Variants in ATRN observed in about 807,000 individuals in gnomAD.
ATRN encodes the protein attractin-2.
ATRN carries 54 observed loss-of-function variants against 178.7 expected under a neutral mutation model. The ratio of observed to expected loss-of-function variants is 0.30; its 90% CI spans 0.24 to 0.38. ATRN has a LOEUF of 0.38. ATRN is among the 10% of genes least tolerant of loss of function. The probability of loss-of-function intolerance (pLI) is 1.00; values close to 1 mark genes in which losing one functional copy is unlikely to be tolerated. For synonymous variants in ATRN, 636 were observed against 663.0 expected (o/e 0.96, Z 0.63); for missense variants, 1,443 against 1,815.1 (o/e 0.79, Z 3.73).
In ATRN at chr20:3,632,054, T is replaced by A. The variant is rs1216356841; in HGVS notation, c.3864-2257T>A. 2.0e-5 allele frequency among the ~76,000 whole-genome samples: 3 copies of A among 152,104 alleles called. No homozygotes were observed. The highest frequency in any genetic ancestry group is 2.9e-5 in the Non-Finnish European group (2 of 68,016). Reference sequence around the variant, plus strand: ...CATATATATCCTTATGCCTTCCAAATGCCATGCCCAGCCCAGACCTGGCAG... The same window carrying A: ...CATATATATCCTTATGCCTTCCAAAAGCCATGCCCAGCCCAGACCTGGCAG... On this transcript the variant is annotated intron_variant, in intron 25 of 28. Coordinates refer to ENST00000262919, the MANE Select transcript of ATRN (RefSeq NM_139321.3). This position sits in a 1 kb window ranked among gnomAD's most constrained non-coding sequence, Gnocchi z 4.2.
At chr20:3,542,847 CGG>C (rs2085645511) in intron 3 of ATRN, among the ~76,000 whole-genome samples, 1 of 150,002 alleles carries the variant, frequency 6.7e-6, no homozygotes, top group African/African-American at 2.5e-5. Context: ...CCATGTTGCC[CGG>C]GCTGGTCTTG....
intron 22 of ATRN, among the ~76,000 whole-genome samples, chr20:3,598,288 T>G (rs529977290): frequency 1.2e-4 from 18 of 152,338 alleles, no homozygotes; most frequent in African/African-American, 4.1e-4. Context: ...GAAAGGGGAC[T>G]CCACCATCAG....
intron 11 of ATRN, among the ~76,000 whole-genome samples, chr20:3,567,153 T>G (rs748973738): frequency 6.6e-6 from 1 of 152,166 alleles, no homozygotes; most frequent in Non-Finnish European, 1.5e-5. Context: ...ATCTTGAACT[T>G]CCTCAGTACA....
At chr20:3,491,700 G>A (rs2084796230) in intron 1 of ATRN, among the ~76,000 whole-genome samples, 1 of 152,198 alleles carries the variant, frequency 6.6e-6, no homozygotes, top group Non-Finnish European at 1.5e-5. Context: ...ACTCAGGCTA[G>A]AAACCTGGGT....
At position 3,584,536 on chromosome 20, in the gene ATRN, CAG is replaced by C. The variant is rs766894681; in HGVS notation, c.2951-109_2951-108del. 3 of 767,152 alleles carry C rather than the reference CAG, an allele frequency of 3.9e-6. No homozygotes were observed. The African/African-American group carries it at 5.3e-5, about 14-fold the overall frequency. The allele number at this position is 767,152 out of a possible 1,614,324, so 47.5% of individuals were successfully genotyped here. A position where few individuals can be genotyped will look rare whatever the true frequency, so the allele number is the denominator to read the frequency against. On this transcript the variant is annotated intron_variant, in intron 17 of 28. Coordinates refer to ENST00000262919, the MANE Select transcript of ATRN (RefSeq NM_139321.3). ...CATTATCTCTTTTAAATAATCAAGA[CAG>C]AATAATATTTTTGACTCAAGCCAGT...
At chr20:3,504,332 A>G (rs528985970) in intron 1 of ATRN, among the ~76,000 whole-genome samples, 4 of 152,144 alleles carry the variant, frequency 2.6e-5, no homozygotes, top group Non-Finnish European at 4.4e-5. Context: ...TTGGAGCATT[A>G]GGAAGGAAGA....
chr20:3,585,112 C>G (rs2086339730), intron 18 of ATRN, among the ~76,000 whole-genome samples: 1 of 152,150 alleles, frequency 6.6e-6, no homozygotes, highest in Non-Finnish European at 1.5e-5. Flanking sequence ...GCCTTTGATT[C>G]AGACTTGAAG....
At chr20:3,472,996 T>C (rs2084454029) in intron 1 of ATRN, among the ~76,000 whole-genome samples, 1 of 152,218 alleles carries the variant, frequency 6.6e-6, no homozygotes. Flanking sequence ...ATGAGCTCTT[T>C]AGTTTTATGG....
Position 3,560,665 on chromosome 20 carries a change from A to G in ATRN, c.1207A>G (p.Lys403Glu), listed in dbSNP as rs748111642. 1.2e-6 allele frequency: 2 copies of G among 1,605,778 alleles called. No individual in the cohort carries two copies. Among genetic ancestry groups the G allele is most frequent in the East Asian group, 4.5e-5 (2 of 44,822 alleles). ...TTTGTTTGCATTTTTTTCCTAGGATAAAATTTACATGTATGGAGGAAAAAT... is the reference window on the plus strand; with the variant it reads ...TTTGTTTGCATTTTTTTCCTAGGATGAAATTTACATGTATGGAGGAAAAAT... ...YGHSLALYKDKIYMYGGKIDS... is the reference protein window; with the variant it reads ...YGHSLALYKDEIYMYGGKIDS... The change falls in exon 8 of 29, where the codon AAA (lysine) becomes GAA (glutamate). Residue 403 changes from lysine to glutamate, a missense_variant. Lys to Glu is a moderately conservative substitution (Grantham distance 56). Around this residue, in one of 4 missense-constraint regions of ATRN, gnomAD observed 862 missense variants for 972.1 expected, o/e 0.89. Coordinates refer to ENST00000262919, the MANE Select transcript of ATRN (RefSeq NM_139321.3).
At position 3,594,496 on chromosome 20, in the gene ATRN, C is replaced by G. The variant is rs1262524406; in HGVS notation, c.3340C>G (p.His1114Asp). The G allele has an allele frequency of 6.2e-7, 1 of 1,611,338 alleles. No individual in the cohort carries two copies. Among genetic ancestry groups the G allele is most frequent in the Admixed American group, 1.7e-5 (1 of 59,890 alleles). ...GKCQPCKCNG[H>D]ASLCNTNTGK... Reference sequence around the variant, plus strand: ...CTCTGCAGCATGCAAGTGCAATGGGCACGCGTCTCTGTGCAACACCAACAC... The same window carrying G: ...CTCTGCAGCATGCAAGTGCAATGGGGACGCGTCTCTGTGCAACACCAACAC... Residue 1114 changes from histidine to aspartate, a missense_variant, in exon 20 of 29, where the codon CAC becomes GAC. By Grantham distance (81) the His-to-Asp change is moderately conservative. This residue lies in a region of ATRN where 289 missense variants were observed against 440.8 expected (regional missense o/e 0.66). Coordinates refer to ENST00000262919, the MANE Select transcript of ATRN (RefSeq NM_139321.3).
intron 11 of ATRN, among the ~76,000 whole-genome samples, chr20:3,570,284 G>A (rs1198837779): frequency 5.3e-5 from 8 of 151,994 alleles, no homozygotes; most frequent in Non-Finnish European, 7.4e-5. Flanking sequence ...AAAGAGACTG[G>A]GTTGTTTGTC....
At chr20:3,628,126 C>G (rs555151398) in intron 25 of ATRN, among the ~76,000 whole-genome samples, 1 of 152,108 alleles carries the variant, frequency 6.6e-6, no homozygotes, top group Non-Finnish European at 1.5e-5. Flanking sequence ...GAGCCGAGAT[C>G]GCGCCACTGC....
At chr20:3,607,019 A>T (rs2086685275) in intron 24 of ATRN, among the ~76,000 whole-genome samples, 1 of 152,204 alleles carries the variant, frequency 6.6e-6, no homozygotes, top group South Asian at 2.1e-4. Flanking sequence ...TAATAGTTAT[A>T]GGATATTTTG....
chr20:3,525,161 CAAAG>C (rs1424486410), intron 1 of ATRN, among the ~76,000 whole-genome samples: 9 of 151,618 alleles, frequency 5.9e-5, no homozygotes, highest in African/African-American at 1.5e-4. Context: ...GCTTGACTAA[CAAAG>C]AAGAAAAGAG....
chr20:3,555,204 C>T (rs923278209), intron 6 of ATRN, among the ~76,000 whole-genome samples: 5 of 151,870 alleles, frequency 3.3e-5, no homozygotes, highest in African/African-American at 9.7e-5. Context: ...GGGGTTTCAC[C>T]GTGTTAGCCA....
intron 2 of ATRN, among the ~76,000 whole-genome samples, chr20:3,536,656 TGTA>T (rs1289856315): frequency 2.0e-5 from 3 of 152,312 alleles, no homozygotes; most frequent in African/African-American, 4.8e-5. Context: ...TTTAAAAAAT[TGTA>T]GTGAAAAAAT....
At chr20:3,609,489 C>T (rs1187183889) in intron 24 of ATRN, among the ~76,000 whole-genome samples, 1 of 152,118 alleles carries the variant, frequency 6.6e-6, no homozygotes, top group Admixed American at 6.6e-5. Flanking sequence ...CTTTGACTTC[C>T]TCCTTTCAGT....
intron 25 of ATRN, among the ~76,000 whole-genome samples, chr20:3,630,878 C>G (rs556700290): frequency 2.2e-5 from 3 of 134,698 alleles, no homozygotes; most frequent in Non-Finnish European, 3.1e-5. Context: ...AAATATTTTC[C>G]CAGGACAAGT....
chr20:3,588,711 C>A (rs570044142), intron 18 of ATRN, among the ~76,000 whole-genome samples: 9 of 152,118 alleles, frequency 5.9e-5, no homozygotes, highest in Admixed American at 2.0e-4. Flanking sequence ...TAAGTTGGAA[C>A]GTATTCCTCC....
Sources: allele counts gnomAD v4.1 joint callset (sites outside exome capture counted in the v4.1 genomes callset), GRCh38; gene constraint gnomAD v4.1.1; regional missense constraint gnomAD v4.1.1; non-coding constraint Gnocchi (gnomAD v3.1); transcripts MANE v1.5; gene names NCBI Gene and HGNC (gene_info 2026-07-23, HGNC 2026-07-21).